The following DPYD variants were observed in gnomAD, a reference collection of about 807,000 sequenced individuals.
DPYD encodes dihydropyrimidine dehydrogenase.
Under a neutral mutation model 116.2 loss-of-function variants are expected in DPYD, and 109 were observed. That is an observed-to-expected ratio of 0.94 (90% CI 0.80 to 1.10). The LOEUF is 1.10. Ranked by LOEUF, DPYD falls within the 50% of genes least tolerant of loss-of-function variation. DPYD has a pLI of 0.00. For missense variants in DPYD, 1,302 were observed against 1,254.5 expected (o/e 1.04, Z -0.57); for synonymous variants, 440 against 432.0 (o/e 1.02, Z -0.23).
At chr1:97,409,511 A>C (rs1054136173) in intron 14 of DPYD, among the ~76,000 whole-genome samples, 1 of 152,194 alleles carries the variant, frequency 6.6e-6, no homozygotes, top group Admixed American at 6.5e-5. Context: ...AAATGAAAGA[A>C]TCATTGAGAT....
At position 97,549,766 on chromosome 1, in the gene DPYD, A is replaced by C. The variant is rs1424446831; in HGVS notation, c.1340-22T>G. On this transcript the variant is annotated intron_variant, in intron 11 of 22. Transcript: ENST00000370192. ...TTTACTGAAAAAACAAGTGAAAAAC[A>C]ATAGACAATCACTAGTCAACAGACA... The C allele has an allele frequency of 3.1e-6, 5 of 1,601,906 alleles. No individual in the cohort carries two copies. In the African/African-American group the frequency reaches 6.7e-5, roughly 21 times the overall value.
chr1:97,770,568 A>T (rs1451945044), intron 3 of DPYD, among the ~76,000 whole-genome samples: 1 of 152,216 alleles, frequency 6.6e-6, no homozygotes, highest in East Asian at 1.9e-4. Context: ...AACACTGTAC[A>T]TGAGAACAAA....
At chr1:97,878,669 C>A (rs1251536142) in intron 2 of DPYD, among the ~76,000 whole-genome samples, 1 of 152,000 alleles carries the variant, frequency 6.6e-6, no homozygotes, top group Non-Finnish European at 1.5e-5. Context: ...TCCCAGAGAC[C>A]TTGCCTCCCA....
At chr1:97,289,005 A>G (rs1418279788) in intron 18 of DPYD, among the ~76,000 whole-genome samples, 2 of 152,226 alleles carry the variant, frequency 1.3e-5, no homozygotes, top group African/African-American at 4.8e-5. Context: ...TAAAGGGGAC[A>G]TCACCACTGA....
At chr1:97,335,954 G>A (rs80099795) in intron 16 of DPYD, among the ~76,000 whole-genome samples, 9,757 of 152,014 alleles carry the variant, frequency 0.064, 422 homozygotes, top group African/African-American at 0.12. Flanking sequence ...CCAGTGTTTC[G>A]TATCCTTGTC....
intron 20 of DPYD, among the ~76,000 whole-genome samples, chr1:97,108,736 G>A (rs969721941): frequency 3.3e-5 from 5 of 151,984 alleles, no homozygotes; most frequent in Non-Finnish European, 5.9e-5. Context: ...AATTCATACA[G>A]TTCATAACTA....
intron 10 of DPYD, among the ~76,000 whole-genome samples, chr1:97,591,854 C>A (rs927551689): frequency 6.6e-6 from 1 of 150,814 alleles, no homozygotes; most frequent in African/African-American, 2.4e-5. Flanking sequence ...TAAAAAAAAA[C>A]CATGATTACA....
At chr1:97,515,445 T>C (rs1648144314) in intron 13 of DPYD, among the ~76,000 whole-genome samples, 1 of 151,908 alleles carries the variant, frequency 6.6e-6, no homozygotes, top group Non-Finnish European at 1.5e-5. Context: ...CAATTAATAA[T>C]ACAAAAATAA....
chr1:97,477,749 T>C (rs1390501591), intron 13 of DPYD, among the ~76,000 whole-genome samples: 1 of 151,440 alleles, frequency 6.6e-6, no homozygotes, highest in Non-Finnish European at 1.5e-5. Flanking sequence ...GCCTCCCGAG[T>C]AGCTGGGACT....
intron 17 of DPYD, among the ~76,000 whole-genome samples, chr1:97,305,818 CT>C (rs573329565): frequency 6.6e-6 from 1 of 151,774 alleles, no homozygotes; most frequent in Admixed American, 6.6e-5. Flanking sequence ...ATTGAATTTT[CT>C]TTTTTTCTTT....
chr1:97,921,002 G>C lies in DPYD; in HGVS notation c.-80C>G. On this transcript the variant is annotated 5_prime_UTR_variant, in exon 1 of 23. Transcript: ENST00000370192. Reference sequence around the variant, plus strand: ...GCTCCAGCCAGAGAGCCAAGTGACAGCAGCCGGAGCGCGAGTCGAAAACAG... The same window carrying C: ...GCTCCAGCCAGAGAGCCAAGTGACACCAGCCGGAGCGCGAGTCGAAAACAG... The C allele has an allele frequency of 1.3e-6, 2 of 1,528,650 alleles. No individual in the cohort carries two copies. Among genetic ancestry groups the C allele is most frequent in the South Asian group, 2.4e-5 (2 of 83,624 alleles). The allele number at this position is 1,528,650 out of a possible 1,614,324, so 94.7% of individuals were successfully genotyped here.
At chr1:97,770,892 T>C (rs550830901) in intron 3 of DPYD, among the ~76,000 whole-genome samples, 18 of 152,306 alleles carry the variant, frequency 1.2e-4, no homozygotes, top group Admixed American at 1.1e-3. Flanking sequence ...GACAATAATA[T>C]CATAAGTATT....
At chr1:97,153,594 G>T (rs2101724801) in intron 20 of DPYD, among the ~76,000 whole-genome samples, 2 of 152,052 alleles carry the variant, frequency 1.3e-5, no homozygotes, top group East Asian at 3.9e-4. Context: ...CTTAGGCAAA[G>T]ACTTCATGAC....
In DPYD at chr1:97,376,887, G is replaced by GTGTGTGTGTGTATATATATATA; in HGVS notation, c.1975-3244_1975-3243insTATATATATATACACACACACA. On this transcript the variant is annotated intron_variant, in intron 15 of 22. Transcript: ENST00000370192. ...AGTTTGTGTGTGTGTGTGTGTGTGTGTATATATATATATATGGTGTGGACT... is the reference window on the plus strand; with the variant it reads ...AGTTTGTGTGTGTGTGTGTGTGTGTGTGTGTGTGTGTATATATATATATATATATATATATATGGTGTGGACT... Among the ~76,000 whole-genome samples the GTGTGTGTGTGTATATATATATA allele has an allele frequency of 6.0e-3, 769 of 128,364 alleles. 17 individuals carry two copies. Among genetic ancestry groups the GTGTGTGTGTGTATATATATATA allele is most frequent in the African/African-American group, 0.021 (733 of 35,002 alleles). The allele number at this position is 128,364 out of a possible 152,430, so 84.2% of individuals were successfully genotyped here. A position where few individuals can be genotyped will look rare whatever the true frequency, so the allele number is the denominator to read the frequency against.
At chr1:97,417,964 T>C (rs149668326) in intron 14 of DPYD, among the ~76,000 whole-genome samples, 11 of 152,170 alleles carry the variant, frequency 7.2e-5, no homozygotes, top group Admixed American at 3.3e-4. Flanking sequence ...GTTGCCTTAA[T>C]AAAAAGATCC....
chr1:97,539,822 T>C (rs1383362041), intron 12 of DPYD, among the ~76,000 whole-genome samples: 1 of 152,162 alleles, frequency 6.6e-6, no homozygotes, highest in Non-Finnish European at 1.5e-5. Flanking sequence ...AATAATTTAG[T>C]TTGTGTTCTA....
chr1:97,475,463 GA>G (rs1677905624), intron 13 of DPYD, among the ~76,000 whole-genome samples: 1 of 152,078 alleles, frequency 6.6e-6, no homozygotes, highest in South Asian at 2.1e-4. Context: ...ATGAGTAAAA[GA>G]AAAATAGACT....
At chr1:97,628,114 G>A (rs1042117023) in intron 8 of DPYD, among the ~76,000 whole-genome samples, 2 of 151,988 alleles carry the variant, frequency 1.3e-5, no homozygotes, top group Non-Finnish European at 2.9e-5. Context: ...AAGGGAAAGG[G>A]TCTTCCAAAT....
At chr1:97,187,322 G>T (rs1658069097) in intron 20 of DPYD, among the ~76,000 whole-genome samples, 1 of 151,964 alleles carries the variant, frequency 6.6e-6, no homozygotes. Flanking sequence ...ACATTTCTCT[G>T]ATGATTAGTG....
Sources: gnomAD v4.1 joint callset for allele counts (sites outside exome capture counted in the v4.1 genomes callset) on GRCh38, gnomAD v4.1.1 for gene constraint, MANE v1.5 for transcripts, NCBI Gene and HGNC (gene_info 2026-07-23, HGNC 2026-07-21) for gene names.